The following PRKCQ variants were observed in gnomAD, a reference collection of about 807,000 sequenced individuals.
PRKCQ encodes the protein protein kinase C theta, also known as protein kinase C theta type.
Under a neutral mutation model 91.2 loss-of-function variants are expected in PRKCQ, and 41 were observed. The observed-to-expected ratio is 0.45, with a 90% CI of 0.35 to 0.58. The LOEUF (loss-of-function observed/expected upper bound fraction) is 0.58, where lower values mean the gene tolerates loss of function less well. Ranked by LOEUF, PRKCQ falls within the 20% of genes least tolerant of loss-of-function variation. The probability of loss-of-function intolerance (pLI) is 0.00; values close to 1 mark genes in which losing one functional copy is unlikely to be tolerated. For synonymous variants in PRKCQ, 307 were observed against 316.9 expected (o/e 0.97, Z 0.33); for missense variants, 673 against 896.5 (o/e 0.75, Z 3.18).
At chr10:6,458,117 GTA>G (rs371790963) in intron 14 of PRKCQ, among the ~76,000 whole-genome samples, 2 of 152,164 alleles carry the variant, frequency 1.3e-5, no homozygotes, top group African/African-American at 4.8e-5. Flanking sequence ...AAAATTTTTT[GTA>G]GAGACAAGGT....
chr10:6,462,360 T>C lies in PRKCQ; in HGVS notation c.1451A>G (p.Tyr484Cys), dbSNP rs1265033637. 2 of 1,613,916 alleles carry C rather than the reference T, an allele frequency of 1.2e-6. No individual in the cohort carries two copies. Among genetic ancestry groups the C allele is most frequent in the Non-Finnish European group, 1.7e-6 (2 of 1,179,904 alleles). ...CAGACCAAGAATGATTTCAGCAGCATAAAACCTGGGGGAAGGAGAACCAAG... is the reference window on the plus strand; with the variant it reads ...CAGACCAAGAATGATTTCAGCAGCACAAAACCTGGGGGAAGGAGAACCAAG... Reference protein sequence around the residue: ...HKFDLSRATFYAAEIILGLQF... With the variant: ...HKFDLSRATFCAAEIILGLQF... The change falls in exon 14 of 18, where the codon TAT (tyrosine) becomes TGT (cysteine). Residue 484 changes from tyrosine (Y) to cysteine (C), a missense_variant. Coordinates refer to ENST00000263125, the MANE Select transcript of PRKCQ (RefSeq NM_006257.5).
intron 4 of PRKCQ, among the ~76,000 whole-genome samples, chr10:6,503,532 T>C (rs1838030285): frequency 6.6e-6 from 1 of 151,886 alleles, no homozygotes; most frequent in Non-Finnish European, 1.5e-5. Context: ...TAGTCTGTTA[T>C]GGAGAGCTGA....
chr10:6,456,889 G>T, intron 14 of PRKCQ, 77 bp from the exon 15 acceptor site: 1 of 1,505,444 alleles, frequency 6.6e-7, no homozygotes, highest in Non-Finnish European at 9.0e-7. Context: ...GGAGGCGAGG[G>T]AGTTTGTCTC....
At chr10:6,467,385 C>CAGAGAGAGAGAGAGAGAGAG (rs1564324292) in intron 12 of PRKCQ, among the ~76,000 whole-genome samples, 1 of 39,476 alleles carries the variant, frequency 2.5e-5, no homozygotes, top group African/African-American at 1.2e-4. Flanking sequence ...CAGAGAGAGA[C>CAGAGAGAGAGAGAGAGAGAG]AGACAGAGAG....
intron 16 of PRKCQ, among the ~76,000 whole-genome samples, chr10:6,434,198 C>G (rs954149585): frequency 6.6e-6 from 1 of 152,028 alleles, no homozygotes; most frequent in Non-Finnish European, 1.5e-5. Flanking sequence ...GGGGCCAAAA[C>G]CTCGCTCATG....
intron 12 of PRKCQ, among the ~76,000 whole-genome samples, chr10:6,466,585 C>T (rs1408776642): frequency 6.6e-6 from 1 of 152,176 alleles, no homozygotes; most frequent in Non-Finnish European, 1.5e-5. Flanking sequence ...CAAATGTATG[C>T]ACATACAAAC....
chr10:6,543,462 A>G (rs867195511), intron 1 of PRKCQ, among the ~76,000 whole-genome samples: 1 of 152,288 alleles, frequency 6.6e-6, no homozygotes, highest in South Asian at 2.1e-4. Flanking sequence ...GAAGTCAGAA[A>G]TGTGTCTGTC....
In PRKCQ at chr10:6,483,617, G is replaced by A. The variant is rs183342237; in HGVS notation, c.1019-17C>T. 194 of 1,612,724 alleles carry A rather than the reference G, an allele frequency of 1.2e-4. No homozygotes were observed. The African/African-American group carries it at 2.3e-3, about 19-fold the overall frequency. ...CCTGAGGCTCTGAAAATGCAAGCTGGTGGTTAAAAATGAACATGGAGTAAT... is the reference window on the plus strand; with the variant it reads ...CCTGAGGCTCTGAAAATGCAAGCTGATGGTTAAAAATGAACATGGAGTAAT... On this transcript the variant is annotated splice_polypyrimidine_tract_variant and intron_variant, in intron 10 of 17. Coordinates refer to ENST00000263125, the MANE Select transcript of PRKCQ (RefSeq NM_006257.5).
At chr10:6,494,347 G>A (rs913574579) in intron 7 of PRKCQ, among the ~76,000 whole-genome samples, 3 of 152,138 alleles carry the variant, frequency 2.0e-5, no homozygotes, top group African/African-American at 7.2e-5. Flanking sequence ...CCCTGGCCAC[G>A]GGAGCACTTG....
intron 12 of PRKCQ, among the ~76,000 whole-genome samples, chr10:6,467,070 G>A (rs1835691911): frequency 6.6e-6 from 1 of 152,076 alleles, no homozygotes; most frequent in African/African-American, 2.4e-5. Flanking sequence ...TTGGTCCTCA[G>A]TGGGCAATTG....
chr10:6,406,052 A>G, the PRKCQ span, among the ~76,000 whole-genome samples: 1 of 152,200 alleles, frequency 6.6e-6, no homozygotes, highest in East Asian at 1.9e-4. Context: ...CTTTGTTGCA[A>G]CTAACACTTT....
intron 1 of PRKCQ, among the ~76,000 whole-genome samples, chr10:6,532,569 CG>C (rs1485825374): frequency 2.0e-5 from 3 of 152,138 alleles, no homozygotes; most frequent in African/African-American, 7.2e-5. Context: ...CATCCCACCC[CG>C]ACTGCACCCA....
At position 6,430,661 on chromosome 10, in the gene PRKCQ, G is replaced by A. The variant is rs1326411965; in HGVS notation, c.1965+149C>T. ...CTGCCCCACCAGCCCAGTAACATGT[G>A]TTAGAGACGTGCATTCCTCCTGGAG... On this transcript the variant is annotated intron_variant, in intron 17 of 17. Coordinates refer to ENST00000263125, the MANE Select transcript of PRKCQ (RefSeq NM_006257.5). This position sits in a 1 kb window ranked among gnomAD's most constrained non-coding sequence, Gnocchi z 4.7. The A allele has an allele frequency of 1.7e-6, 2 of 1,206,252 alleles. No homozygotes were observed. The highest frequency in any genetic ancestry group is 2.3e-6 in the Non-Finnish European group (2 of 864,258). The allele number at this position is 1,206,252 out of a possible 1,614,324, so 74.7% of individuals were successfully genotyped here.
chr10:6,405,294 T>A, the PRKCQ span, among the ~76,000 whole-genome samples: 1 of 152,206 alleles, frequency 6.6e-6, no homozygotes, highest in Non-Finnish European at 1.5e-5. Flanking sequence ...GATTCTGTTT[T>A]TCATAGTGAG....
intron 13 of PRKCQ, 62 bp from the exon 14 acceptor site, chr10:6,462,427 AC>A: frequency 6.8e-7 from 1 of 1,467,604 alleles, no homozygotes; most frequent in Admixed American, 1.7e-5. Context: ...AAAATCCCAA[AC>A]CCAGACTGAC....
At chr10:6,569,357 C>T (rs548123176) in intron 1 of PRKCQ, among the ~76,000 whole-genome samples, 9 of 151,850 alleles carry the variant, frequency 5.9e-5, no homozygotes, top group African/African-American at 2.2e-4. Flanking sequence ...ATTGAGCAGA[C>T]GTCCACGAGA....
At chr10:6,408,042 G>C in the PRKCQ span, among the ~76,000 whole-genome samples, 1 of 102,228 alleles carries the variant, frequency 9.8e-6, no homozygotes, top group Admixed American at 1.2e-4. Context: ...GTGGTCTTGT[G>C]TCAGTTTTTT....
rs1233206383 is a variant in PRKCQ at position 6,430,177 on chromosome 10, T to A, written c.1965+633A>T. On this transcript the variant is annotated intron_variant, in intron 17 of 17. Coordinates refer to ENST00000263125, the MANE Select transcript of PRKCQ (RefSeq NM_006257.5). This position sits in a 1 kb window ranked among gnomAD's most constrained non-coding sequence, Gnocchi z 4.7. ...GCCCAACCTTGCTTTATTTTTGACT[T>A]CACTTTATGGTGGCCCGTCTCGCAG... is the stretch of plus-strand genomic sequence containing the variant. Among the ~76,000 whole-genome samples, 1 of 152,178 alleles carries A rather than the reference T, an allele frequency of 6.6e-6. No homozygotes were observed.
chr10:6,515,703 C>T (rs1345073363), intron 1 of PRKCQ, among the ~76,000 whole-genome samples: 2 of 152,234 alleles, frequency 1.3e-5, no homozygotes, highest in Non-Finnish European at 1.5e-5. Flanking sequence ...TACACACACA[C>T]ACACTCTAAG....
Sources: allele counts gnomAD v4.1 joint callset (sites outside exome capture counted in the v4.1 genomes callset), GRCh38; gene constraint gnomAD v4.1.1; non-coding constraint Gnocchi (gnomAD v3.1); transcripts MANE v1.5; gene names NCBI Gene and HGNC (gene_info 2026-07-23, HGNC 2026-07-21).